Variants in PCDH7 observed in about 807,000 individuals in gnomAD.
PCDH7 encodes protocadherin 7, also known as protocadherin-7.
PCDH7 carries 17 observed loss-of-function variants against 58.9 expected under a neutral mutation model. That is an observed-to-expected ratio of 0.29 (90% CI 0.20 to 0.43). The LOEUF is 0.43. PCDH7 is among the 20% of genes least tolerant of loss of function. The pLI, the probability that PCDH7 is intolerant of heterozygous loss-of-function variation, is 1.00. For missense variants in PCDH7, 1,274 were observed against 1,441.0 expected, an observed-to-expected ratio of 0.88 and a Z score of 1.88; for synonymous variants, 664 against 616.4, an observed-to-expected ratio of 1.08 and a Z score of -1.14.
intron 3 of PCDH7, among the ~76,000 whole-genome samples, chr4:31,056,516 AGGGGAAGG>A (rs1757249607): frequency 1.4e-4 from 13 of 94,992 alleles, no homozygotes; most frequent in East Asian, 8.7e-4. Context: ...AAAGAAAGAA[AGGGGAAGG>A]GAAGGGAAGG....
intron 3 of PCDH7, among the ~76,000 whole-genome samples, chr4:31,038,268 G>A (rs2109199255): frequency 6.6e-6 from 1 of 152,202 alleles, no homozygotes; most frequent in Non-Finnish European, 1.5e-5. Context: ...CACATGCTTT[G>A]TTTTTCTTAA....
At chr4:30,850,787 G>T (rs576347924) in intron 1 of PCDH7, among the ~76,000 whole-genome samples, 1 of 152,002 alleles carries the variant, frequency 6.6e-6, no homozygotes. Context: ...CAGACCTTGC[G>T]TTTTTGGTTA....
chr4:30,750,188 A>C (rs1318051912), intron 1 of PCDH7, among the ~76,000 whole-genome samples: 2 of 152,206 alleles, frequency 1.3e-5, no homozygotes, highest in African/African-American at 4.8e-5. Flanking sequence ...AGGCTAAAGC[A>C]CTAGAGAGAG....
At chr4:30,797,563 C>T (rs1383486215) in intron 1 of PCDH7, among the ~76,000 whole-genome samples, 2 of 152,152 alleles carry the variant, frequency 1.3e-5, no homozygotes, top group Non-Finnish European at 2.9e-5. Flanking sequence ...CTTGAGCCAC[C>T]GTGCCCAGCC....
intron 1 of PCDH7, among the ~76,000 whole-genome samples, chr4:30,789,514 A>G (rs1723837556): frequency 6.6e-6 from 1 of 152,196 alleles, no homozygotes. Flanking sequence ...CACACAGAAA[A>G]TAGTGCTTTT....
At chr4:31,020,294 C>T (rs1181999751) in intron 3 of PCDH7, among the ~76,000 whole-genome samples, 1 of 152,144 alleles carries the variant, frequency 6.6e-6, no homozygotes, top group Non-Finnish European at 1.5e-5. Flanking sequence ...AGATAAAAAG[C>T]ATTTTCCCTT....
intron 3 of PCDH7, among the ~76,000 whole-genome samples, chr4:30,968,986 C>CATAAAATTGTA (rs1749298730): frequency 6.6e-6 from 1 of 152,156 alleles, no homozygotes; most frequent in Non-Finnish European, 1.5e-5. Context: ...CAGGATCCTG[C>CATAAAATTGTA]ATAAAATTGT....
At chr4:30,973,003 G>C (rs978613873) in intron 3 of PCDH7, among the ~76,000 whole-genome samples, 3 of 152,204 alleles carry the variant, frequency 2.0e-5, no homozygotes, top group Non-Finnish European at 2.9e-5. Context: ...GAGACGTGAA[G>C]AAATGATAAA....
At chr4:30,962,628 A>T (rs1426179051) in intron 3 of PCDH7, among the ~76,000 whole-genome samples, 1 of 151,872 alleles carries the variant, frequency 6.6e-6, no homozygotes, top group Non-Finnish European at 1.5e-5. Flanking sequence ...CTCTACAAAA[A>T]ATTAAAAATA....
chr4:30,990,839 T>C (rs1186217943), intron 3 of PCDH7, among the ~76,000 whole-genome samples: 1 of 152,168 alleles, frequency 6.6e-6, no homozygotes, highest in Non-Finnish European at 1.5e-5. Context: ...ACTTCCCATT[T>C]TTAAAATGCA....
chr4:30,954,090 A>G (rs1300386760), intron 3 of PCDH7, among the ~76,000 whole-genome samples: 1 of 152,142 alleles, frequency 6.6e-6, no homozygotes, highest in African/African-American at 2.4e-5. Context: ...ACTGTTACAA[A>G]TGCCAAATTG....
chr4:31,033,783 T>A (rs2109191439), intron 3 of PCDH7, among the ~76,000 whole-genome samples: 1 of 152,286 alleles, frequency 6.6e-6, no homozygotes, highest in African/African-American at 2.4e-5. Context: ...TTTCTGTAGC[T>A]CTTTGTCTTT....
intron 3 of PCDH7, among the ~76,000 whole-genome samples, chr4:30,987,066 C>G (rs1434029418): frequency 6.6e-6 from 1 of 152,156 alleles, no homozygotes; most frequent in Admixed American, 6.5e-5. Context: ...AGGGAAATCA[C>G]AGTATTCATA....
At chr4:31,091,295 A>G (rs981274190) in intron 3 of PCDH7, among the ~76,000 whole-genome samples, 3 of 151,998 alleles carry the variant, frequency 2.0e-5, no homozygotes, top group African/African-American at 7.2e-5. Flanking sequence ...CATTTTTAGC[A>G]TTCATATACT....
chr4:30,901,983 G>A (rs970669785), intron 1 of PCDH7, among the ~76,000 whole-genome samples: 2 of 152,126 alleles, frequency 1.3e-5, no homozygotes, highest in Non-Finnish European at 2.9e-5. Flanking sequence ...GGATCAGTTA[G>A]CAACTATGCT....
chr4:31,029,992 C>T (rs995726309), intron 3 of PCDH7, among the ~76,000 whole-genome samples: 5 of 152,096 alleles, frequency 3.3e-5, no homozygotes, highest in African/African-American at 7.2e-5. Context: ...TGAAGAAAAG[C>T]TCAGTTTTCT....
In PCDH7 at chr4:31,091,505, T is replaced by G. The variant is rs190347983; in HGVS notation, c.*8-50968T>G. Reference sequence around the variant, plus strand: ...AGATTAATGTGGAAAATTGAATTACTTAAGTTATCCTAAATATCACCTGGA... The same window carrying G: ...AGATTAATGTGGAAAATTGAATTACGTAAGTTATCCTAAATATCACCTGGA... On this transcript the variant is annotated intron_variant, in intron 3 of 3. Transcript: ENST00000509759. Among the ~76,000 whole-genome samples, 642 of 151,994 alleles carry G rather than the reference T, an allele frequency of 4.2e-3. 2 individuals are homozygous for G. Among genetic ancestry groups the G allele is most frequent in the Non-Finnish European group, 6.8e-3 (464 of 67,848 alleles).
At chr4:30,800,261 G>A (rs932840850) in intron 1 of PCDH7, among the ~76,000 whole-genome samples, 2 of 151,990 alleles carry the variant, frequency 1.3e-5, no homozygotes, top group African/African-American at 4.8e-5. Flanking sequence ...CCAATGGAGT[G>A]TAGGAGTATA....
intron 1 of PCDH7, among the ~76,000 whole-genome samples, chr4:30,748,593 A>G (rs1041817185): frequency 6.6e-5 from 10 of 152,318 alleles, no homozygotes; most frequent in South Asian, 6.2e-4. Context: ...GAATATCCTT[A>G]TCACCTAATC....
Sources: allele counts gnomAD v4.1 joint callset (sites outside exome capture counted in the v4.1 genomes callset), GRCh38; gene constraint gnomAD v4.1.1; transcripts MANE v1.5; gene names NCBI Gene and HGNC (gene_info 2026-07-23, HGNC 2026-07-21).